ADAMTS2: variants seen among roughly 807,000 people sequenced by gnomAD.
ADAMTS2 encodes ADAM metallopeptidase with thrombospondin type 1 motif 2, also known as A disintegrin and metalloproteinase with thrombospondin motifs 2.
ADAMTS2 carries 50 observed loss-of-function variants against 123.0 expected under a neutral mutation model. The ratio of observed to expected loss-of-function variants is 0.41; its 90% CI spans 0.32 to 0.51. ADAMTS2 has a LOEUF of 0.51. Ranked by LOEUF, ADAMTS2 falls within the 20% of genes least tolerant of loss-of-function variation. ADAMTS2 has a pLI of 0.35. For synonymous variants in ADAMTS2, 678 were observed against 695.4 expected (o/e 0.98, Z 0.39); for missense variants, 1,494 against 1,705.2 (o/e 0.88, Z 2.18).
rs912997273 is a variant in ADAMTS2 at position 179,130,435 on chromosome 5, G to A, written c.2291-337C>T. ...TCAGTGGGCGCTTAGAGGCCACCCG[G>A]GGCAGGATGGCTGGGAGGGGTCTGT... On this transcript the variant is annotated intron_variant, in intron 15 of 21. Coordinates refer to ENST00000251582, the MANE Select transcript of ADAMTS2 (RefSeq NM_014244.5). This position sits in a 1 kb window ranked among gnomAD's most constrained non-coding sequence, Gnocchi z 4.3. 6.6e-6 allele frequency among the ~76,000 whole-genome samples: 1 copy of A among 152,248 alleles called. No homozygotes were observed. Among genetic ancestry groups the A allele is most frequent in the Non-Finnish European group, 1.5e-5 (1 of 68,044 alleles).
At chr5:179,135,130 TC>T (rs1207663506) in intron 13 of ADAMTS2, among the ~76,000 whole-genome samples, 2 of 15,720 alleles carry the variant, frequency 1.3e-4, no homozygotes, top group Non-Finnish European at 1.5e-4. Flanking sequence ...CGGCTCCAGC[TC>T]CCAGCTCCCG....
intron 2 of ADAMTS2, among the ~76,000 whole-genome samples, chr5:179,320,684 C>T (rs1757144197): frequency 6.6e-6 from 1 of 152,166 alleles, no homozygotes; most frequent in East Asian, 1.9e-4. Context: ...CCTGCGTCAC[C>T]AGTGGGCAAG....
intron 3 of ADAMTS2, among the ~76,000 whole-genome samples, chr5:179,218,182 G>C (rs1363666440): frequency 6.6e-6 from 1 of 152,140 alleles, no homozygotes; most frequent in Admixed American, 6.5e-5. Context: ...GCACTGCCAG[G>C]GCCTGCAGGG....
chr5:179,317,312 A>G lies in ADAMTS2; in HGVS notation c.534+26455T>C, dbSNP rs534711370. Among the ~76,000 whole-genome samples, 9 of 152,308 alleles carry G rather than the reference A, an allele frequency of 5.9e-5. No homozygotes were observed. The highest frequency in any genetic ancestry group is 2.0e-4 in the Admixed American group (3 of 15,302). ...GTCCCTGAAGATGGACTCAGCTAGCAGAGTCGCTGATATGGTAACACAATA... is the reference window on the plus strand; with the variant it reads ...GTCCCTGAAGATGGACTCAGCTAGCGGAGTCGCTGATATGGTAACACAATA... On this transcript the variant is annotated intron_variant, in intron 2 of 21. Coordinates refer to ENST00000251582, the MANE Select transcript of ADAMTS2 (RefSeq NM_014244.5). This position sits in a 1 kb window ranked among gnomAD's most constrained non-coding sequence, Gnocchi z 4.9.
chr5:179,157,761 A>G (rs1581159223), intron 6 of ADAMTS2, among the ~76,000 whole-genome samples: 1 of 152,216 alleles, frequency 6.6e-6, no homozygotes, highest in South Asian at 2.1e-4. Context: ...CAAGAGCCTG[A>G]TAAGAGTCTC....
At chr5:179,231,141 G>C (rs1160145712) in intron 3 of ADAMTS2, among the ~76,000 whole-genome samples, 1 of 152,152 alleles carries the variant, frequency 6.6e-6, no homozygotes, top group Non-Finnish European at 1.5e-5. Context: ...AAATAAGCCA[G>C]GCCCAGAAGG....
Position 179,132,968 on chromosome 5 carries a change from C to A in ADAMTS2, c.2086-68G>T. 1 of 1,571,106 alleles carries A rather than the reference C, an allele frequency of 6.4e-7. No homozygotes were observed. Among genetic ancestry groups the A allele is most frequent in the Non-Finnish European group, 8.6e-7 (1 of 1,158,778 alleles). On this transcript the variant is annotated intron_variant, in intron 13 of 21. Coordinates refer to ENST00000251582, the MANE Select transcript of ADAMTS2 (RefSeq NM_014244.5). The surrounding 1 kb of genome is among the most constrained non-coding windows in gnomAD (Gnocchi z 6.1). ...GTAGAGTCAGGGTCATACTATGTTGCCCCCAGTCTCGAACACCTGGCCTCA... is the reference window on the plus strand; with the variant it reads ...GTAGAGTCAGGGTCATACTATGTTGACCCCAGTCTCGAACACCTGGCCTCA...
intron 4 of ADAMTS2, among the ~76,000 whole-genome samples, chr5:179,205,478 G>C (rs1048669265): frequency 6.6e-6 from 1 of 152,234 alleles, no homozygotes; most frequent in African/African-American, 2.4e-5. Context: ...AGGCTCAGAG[G>C]ACGGGAGCAG....
In ADAMTS2 at chr5:179,137,852, C is replaced by A. The variant is rs1218632514; in HGVS notation, c.1868G>T (p.Arg623Leu). The change falls in exon 12 of 22, where the codon CGC (arginine) becomes CTC (leucine). Residue 623 changes from arginine (R) to leucine (L), a missense_variant. This residue lies in a region of ADAMTS2 where 953 missense variants were observed against 1,124.7 expected (regional missense o/e 0.85). Transcript: ENST00000251582. ...GTCCCACTGGCGGCACTGCTCCTCG[C>A]GGAAGTCAGCCAGGGAGTCGGGGCA... ...QDCPDSLADF[R>L]EEQCRQWDLY... 4.5e-6 allele frequency: 7 copies of A among 1,566,378 alleles called. No homozygotes were observed. The highest frequency in any genetic ancestry group is 5.2e-6 in the Non-Finnish European group (6 of 1,157,002).
intron 7 of ADAMTS2, among the ~76,000 whole-genome samples, 185 bp downstream of exon 7, chr5:179,154,629 T>C (rs1051433060): frequency 6.6e-6 from 1 of 152,150 alleles, no homozygotes; most frequent in Admixed American, 6.5e-5. Context: ...CCTCCTTCAA[T>C]TGGTTCCTTC....
At chr5:179,266,595 G>A (rs972851005) in intron 3 of ADAMTS2, among the ~76,000 whole-genome samples, 1 of 152,230 alleles carries the variant, frequency 6.6e-6, no homozygotes, top group African/African-American at 2.4e-5. Context: ...CTCCCGAACT[G>A]TGAGGAATGC....
intron 4 of ADAMTS2, among the ~76,000 whole-genome samples, chr5:179,191,354 G>A (rs867265987): frequency 6.6e-6 from 1 of 152,176 alleles, no homozygotes; most frequent in Middle Eastern, 3.2e-3. Context: ...AGTGGCCAGG[G>A]CTCGTGCCAC....
chr5:179,194,307 G>A lies in ADAMTS2; in HGVS notation c.892-13152C>T, dbSNP rs144795426. Among the ~76,000 whole-genome samples the A allele has an allele frequency of 4.2e-3, 633 of 152,234 alleles. 8 individuals are homozygous for A. The highest frequency in any genetic ancestry group is 0.014 in the African/African-American group (594 of 41,540). On this transcript the variant is annotated intron_variant, in intron 4 of 21. Transcript: ENST00000251582. ...ACCTGCTCACCATCACTGGTCTGTC[G>A]GCCTCCCCAGCCCTGCTGGAACATG...
At chr5:179,168,635 A>T (rs1034333483) in intron 5 of ADAMTS2, among the ~76,000 whole-genome samples, 2 of 152,022 alleles carry the variant, frequency 1.3e-5, no homozygotes, top group African/African-American at 4.8e-5. Flanking sequence ...GGTTTCACAG[A>T]CCTCCTCTTA....
intron 2 of ADAMTS2, among the ~76,000 whole-genome samples, chr5:179,322,689 G>A (rs1343302234): frequency 6.6e-6 from 1 of 152,204 alleles, no homozygotes; most frequent in Non-Finnish European, 1.5e-5. Flanking sequence ...ACTAGACGAG[G>A]GCCTCGGCAG....
chr5:179,216,335 G>T (rs974380481), intron 3 of ADAMTS2, among the ~76,000 whole-genome samples: 6 of 152,230 alleles, frequency 3.9e-5, no homozygotes, highest in Non-Finnish European at 2.9e-5. Flanking sequence ...CTAGGTTCTT[G>T]GCAGTACTTG....
rs1461661641 is a variant in ADAMTS2, at chr5:179,129,393, A to G, written c.2457+539T>C. On this transcript the variant is annotated intron_variant, in intron 16 of 21. Coordinates refer to ENST00000251582, the MANE Select transcript of ADAMTS2 (RefSeq NM_014244.5). This position sits in a 1 kb window ranked among gnomAD's most constrained non-coding sequence, Gnocchi z 4.1. ...TTTGTGATATGTACCTTTTTTGACAAATAAAATATATCCCTATGCAGTTAA... is the reference window on the plus strand; with the variant it reads ...TTTGTGATATGTACCTTTTTTGACAGATAAAATATATCCCTATGCAGTTAA... Among the ~76,000 whole-genome samples the G allele has an allele frequency of 3.3e-5, 5 of 152,188 alleles. No individual in the cohort carries two copies. Among genetic ancestry groups the G allele is most frequent in the African/African-American group, 1.2e-4 (5 of 41,444 alleles).
rs60331147 is a variant in ADAMTS2, at chr5:179,272,253, C to T, written c.688+658G>A. Among the ~76,000 whole-genome samples the T allele has an allele frequency of 0.037, 5,642 of 152,308 alleles. 333 individuals carry two copies. Among genetic ancestry groups the T allele is most frequent in the African/African-American group, 0.13 (5,300 of 41,556 alleles). Reference sequence around the variant, plus strand: ...GACTGTCACCATGGCCGCCTGGCAGCTCCTTTCACGTTTCTGGGCCCAGGG... The same window carrying T: ...GACTGTCACCATGGCCGCCTGGCAGTTCCTTTCACGTTTCTGGGCCCAGGG... On this transcript the variant is annotated intron_variant, in intron 3 of 21. Coordinates refer to ENST00000251582, the MANE Select transcript of ADAMTS2 (RefSeq NM_014244.5). This position sits in a 1 kb window ranked among gnomAD's most constrained non-coding sequence, Gnocchi z 5.8.
intron 2 of ADAMTS2, among the ~76,000 whole-genome samples, chr5:179,274,858 C>T (rs1049710352): frequency 1.3e-5 from 2 of 152,244 alleles, no homozygotes; most frequent in Non-Finnish European, 2.9e-5. Context: ...CAGAGCCCAG[C>T]ATCAGGCCTG....
Sources: allele counts gnomAD v4.1 joint callset (sites outside exome capture counted in the v4.1 genomes callset), GRCh38; gene constraint gnomAD v4.1.1; regional missense constraint gnomAD v4.1.1; non-coding constraint Gnocchi (gnomAD v3.1); transcripts MANE v1.5; gene names NCBI Gene and HGNC (gene_info 2026-07-23, HGNC 2026-07-21).